Variants in DAB1 observed in about 807,000 individuals in gnomAD.
DAB1 encodes disabled homolog 1.
A neutral mutation model predicts 64.6 loss-of-function variants in DAB1; 15 were observed. The ratio of observed to expected loss-of-function variants is 0.23; its 90% CI spans 0.16 to 0.36. The LOEUF is 0.36. Among genes scored for constraint, DAB1 ranks in the 10% least tolerant of loss-of-function variants. DAB1 has a pLI of 1.00. For synonymous variants in DAB1, 235 were observed against 251.9 expected (o/e 0.93, Z 0.64); for missense variants, 596 against 706.7 (o/e 0.84, Z 1.78).
intron 2 of DAB1, among the ~76,000 whole-genome samples, chr1:57,289,611 A>G (rs1047617930): frequency 1.3e-5 from 2 of 152,196 alleles, no homozygotes; most frequent in Admixed American, 6.5e-5. Context: ...AAAGAGCTGC[A>G]TATGTATTAC....
chr1:58,068,786 A>AG (rs1649037707), intron 5 of DAB1, among the ~76,000 whole-genome samples: 1 of 151,648 alleles, frequency 6.6e-6, no homozygotes, highest in Non-Finnish European at 1.5e-5. Flanking sequence ...AAAAACCAAA[A>AG]AAAAAAAAGA....
chr1:57,240,045 T>C (rs1334649371), intron 2 of DAB1, among the ~76,000 whole-genome samples: 3 of 152,202 alleles, frequency 2.0e-5, no homozygotes, highest in Admixed American at 6.5e-5. Context: ...CACAATGCAA[T>C]CCTCCAACCA....
intron 2 of DAB1, among the ~76,000 whole-genome samples, chr1:57,270,920 G>T (rs1670944308): frequency 6.6e-6 from 1 of 152,200 alleles, no homozygotes; most frequent in South Asian, 2.1e-4. Context: ...ACCATCATCT[G>T]TAATGAGCAG....
At chr1:58,429,975 T>C (rs972279831) in intron 3 of DAB1, among the ~76,000 whole-genome samples, 33 of 152,336 alleles carry the variant, frequency 2.2e-4, no homozygotes, top group Non-Finnish European at 4.6e-4. Context: ...CCCCCAGGTC[T>C]TGTCAATGTC....
chr1:58,031,989 C>CGTGTGTGT (rs59449665), intron 5 of DAB1, among the ~76,000 whole-genome samples: 1,702 of 141,906 alleles, frequency 0.012, 17 homozygotes, highest in African/African-American at 0.013. Flanking sequence ...CTGATAGAAA[C>CGTGTGTGT]GTGTGTGTGT....
Position 58,373,533 on chromosome 1 carries a change from T to C in DAB1, n.258-30130A>G, listed in dbSNP as rs1022810640. Among the ~76,000 whole-genome samples the C allele has an allele frequency of 5.9e-5, 9 of 151,528 alleles. No individual in the cohort carries two copies. The Admixed American group carries it at 5.9e-4, about 10-fold the overall frequency. On this transcript the variant is annotated intron_variant and non_coding_transcript_variant, in intron 3 of 20. Coordinates refer to the DAB1 transcript ENST00000485760. ...TTTCTTACGGCTGCATAGTATTCCATGGTGTATATGTGCCACATTTTCTTA... is the reference window on the plus strand; with the variant it reads ...TTTCTTACGGCTGCATAGTATTCCACGGTGTATATGTGCCACATTTTCTTA...
chr1:58,280,968 A>T (rs1569597682), intron 4 of DAB1, among the ~76,000 whole-genome samples: 1 of 152,190 alleles, frequency 6.6e-6, no homozygotes, highest in Non-Finnish European at 1.5e-5. Context: ...GGGATGGGCC[A>T]TGTCTTTGTA....
At chr1:58,425,363 G>A (rs1644812700) in intron 3 of DAB1, among the ~76,000 whole-genome samples, 1 of 152,180 alleles carries the variant, frequency 6.6e-6, no homozygotes, top group African/African-American at 2.4e-5. Context: ...GCTGTCACAG[G>A]GTCCAGCTGT....
intron 4 of DAB1, among the ~76,000 whole-genome samples, chr1:58,296,261 GA>G (rs769545867): frequency 1.4e-5 from 2 of 140,284 alleles, no homozygotes; most frequent in Admixed American, 1.4e-4. Context: ...AAGAAAGAAA[GA>G]AAAGTGAGGC....
chr1:57,560,642 G>A (rs532853153), intron 7 of DAB1, among the ~76,000 whole-genome samples: 1 of 152,282 alleles, frequency 6.6e-6, no homozygotes, highest in African/African-American at 2.4e-5. Flanking sequence ...TTTGAGTAGG[G>A]TCCAGAACAG....
chr1:57,351,827 T>C (rs538256192), intron 1 of DAB1, among the ~76,000 whole-genome samples: 2 of 152,136 alleles, frequency 1.3e-5, no homozygotes, highest in South Asian at 4.2e-4. Context: ...TGAATTTGGA[T>C]AAAACACCCA....
At chr1:57,942,409 C>A (rs1645118845) in intron 5 of DAB1, among the ~76,000 whole-genome samples, 1 of 152,180 alleles carries the variant, frequency 6.6e-6, no homozygotes, top group African/African-American at 2.4e-5. Flanking sequence ...TACATGATAG[C>A]ACTCAGTCTT....
intron 4 of DAB1, among the ~76,000 whole-genome samples, chr1:58,246,559 G>C (rs1038061143): frequency 6.6e-6 from 1 of 152,202 alleles, no homozygotes; most frequent in Non-Finnish European, 1.5e-5. Context: ...TTCATATGTG[G>C]TATGGGTTTG....
intron 9 of DAB1, among the ~76,000 whole-genome samples, chr1:57,039,055 T>C (rs1036760416): frequency 1.3e-5 from 2 of 152,204 alleles, no homozygotes; most frequent in African/African-American, 2.4e-5. Flanking sequence ...CACTGAGCAC[T>C]TTTAAAGTGA....
chr1:58,358,098 T>G (rs1644128523), intron 3 of DAB1, among the ~76,000 whole-genome samples: 1 of 152,184 alleles, frequency 6.6e-6, no homozygotes, highest in Admixed American at 6.5e-5. Flanking sequence ...AATATCCAGA[T>G]TAGAAATTTA....
At chr1:57,147,469 C>T (rs1659257734) in intron 2 of DAB1, among the ~76,000 whole-genome samples, 1 of 152,046 alleles carries the variant, frequency 6.6e-6, no homozygotes, top group Admixed American at 6.6e-5. Flanking sequence ...CTGCTGACTC[C>T]TCATATATTA....
At chr1:57,259,494 C>G (rs963655336) in intron 2 of DAB1, among the ~76,000 whole-genome samples, 1 of 152,118 alleles carries the variant, frequency 6.6e-6, no homozygotes, top group East Asian at 1.9e-4. Flanking sequence ...AGGAAGAAGA[C>G]TATTCCAAGA....
intron 1 of DAB1, among the ~76,000 whole-genome samples, chr1:57,406,288 C>G (rs977157329): frequency 6.6e-6 from 1 of 152,222 alleles, no homozygotes; most frequent in East Asian, 1.9e-4. Flanking sequence ...TACTTAGATA[C>G]TAACCCTCCC....
At chr1:57,388,101 A>G (rs1248355383) in intron 1 of DAB1, among the ~76,000 whole-genome samples, 1 of 151,822 alleles carries the variant, frequency 6.6e-6, no homozygotes, top group Non-Finnish European at 1.5e-5. Flanking sequence ...GCAGTTAAGT[A>G]CTCATATTCT....
Sources: gnomAD v4.1 joint callset for allele counts (sites outside exome capture counted in the v4.1 genomes callset) on GRCh38, gnomAD v4.1.1 for gene constraint, MANE v1.5 for transcripts, NCBI Gene and HGNC (gene_info 2026-07-23, HGNC 2026-07-21) for gene names.